The following ANKRD33B variants were observed in gnomAD, a reference collection of about 807,000 sequenced individuals.
ANKRD33B encodes ankyrin repeat domain 33B, also known as ankyrin repeat domain-containing protein 33B.
Under a neutral mutation model 21.5 loss-of-function variants are expected in ANKRD33B, and 6 were observed. The observed-to-expected ratio is 0.28, with a 90% CI of 0.15 to 0.55. The LOEUF is 0.55. Among genes scored for constraint, ANKRD33B ranks in the 20% least tolerant of loss-of-function variants. The probability of loss-of-function intolerance (pLI) is 0.94; values close to 1 mark genes in which losing one functional copy is unlikely to be tolerated. For synonymous variants in ANKRD33B, 347 were observed against 342.4 expected, an observed-to-expected ratio of 1.01 and a Z score of -0.15; for missense variants, 698 against 747.2, an observed-to-expected ratio of 0.93 and a Z score of 0.77.
rs1233646782 is a variant in ANKRD33B, at chr5:10,656,773, C to T, written c.*6660C>T. On this transcript the variant is annotated 3_prime_UTR_variant, in exon 4 of 4. Coordinates refer to ENST00000296657, the MANE Select transcript of ANKRD33B (RefSeq NM_001164440.2). ...CCAGGCCCAAGAGGATTCTTTACCC[C>T]TGGAAGAGCTCCCCAGGCATTCAGC... 1 of 152,410 alleles carries T rather than the reference C, an allele frequency of 6.6e-6. No homozygotes were observed. The highest frequency in any genetic ancestry group is 6.5e-5 in the Admixed American group (1 of 15,282). 9.4% of individuals were successfully genotyped at this position (152,410 alleles called of 1,614,324 possible).
In ANKRD33B at chr5:10,653,645, T is replaced by C. The variant is rs926598230; in HGVS notation, c.*3532T>C. The C allele has an allele frequency of 9.2e-5, 14 of 152,546 alleles. No homozygotes were observed. Among genetic ancestry groups the C allele is most frequent in the African/African-American group, 3.1e-4 (13 of 41,554 alleles). The allele number at this position is 152,546 out of a possible 1,614,324, so 9.4% of individuals were successfully genotyped here. A position where few individuals can be genotyped will look rare whatever the true frequency, so the allele number is the denominator to read the frequency against. ...CCTGAGCCATTTGGAAGCCCTTTCC[T>C]CTAGCCCTAGGTACTGGTGACACAG... On this transcript the variant is annotated 3_prime_UTR_variant, in exon 4 of 4. Coordinates refer to ENST00000296657, the MANE Select transcript of ANKRD33B (RefSeq NM_001164440.2).
chr5:10,572,588 A>T (rs796757563), intron 1 of ANKRD33B, among the ~76,000 whole-genome samples: 60 of 152,268 alleles, frequency 3.9e-4, no homozygotes, highest in African/African-American at 1.3e-3. Flanking sequence ...GAAACTTACC[A>T]TCCCCACAAC....
chr5:10,619,696 T>G lies in ANKRD33B; in HGVS notation c.496+1234T>G, dbSNP rs188688284. Among the ~76,000 whole-genome samples, 63 of 152,310 alleles carry G rather than the reference T, an allele frequency of 4.1e-4. No individual in the cohort carries two copies. The highest frequency in any genetic ancestry group is 6.6e-4 in the Non-Finnish European group (45 of 68,030). On this transcript the variant is annotated intron_variant, in intron 2 of 3. Coordinates refer to ENST00000296657, the MANE Select transcript of ANKRD33B (RefSeq NM_001164440.2). The surrounding 1 kb of genome is among the most constrained non-coding windows in gnomAD (Gnocchi z 4.5). ...TCACTTCCATGGAGGGTTCCAGGCT[T>G]TGAAAACCTAGCAAGAGTGTGAAAG...
chr5:10,564,657 G>C lies in ANKRD33B; in HGVS notation c.190G>C (p.Glu64Gln), dbSNP rs1273354654. The change falls in exon 1 of 4, where the codon GAG becomes CAG. Residue 64 changes from glutamate to glutamine, a missense_variant. By Grantham distance (29) the Glu-to-Gln change is conservative. Coordinates refer to ENST00000296657, the MANE Select transcript of ANKRD33B (RefSeq NM_001164440.2). Reference protein sequence around the residue: ...SDDSFYPFEDEEEHGVESAES... With the variant: ...SDDSFYPFEDQEEHGVESAES... ...CGACTCTTTCTACCCTTTCGAGGACGAGGAGGAGCACGGCGTCGAGAGCGC... is the reference window on the plus strand; with the variant it reads ...CGACTCTTTCTACCCTTTCGAGGACCAGGAGGAGCACGGCGTCGAGAGCGC... 1 of 1,535,018 alleles carries C rather than the reference G, an allele frequency of 6.5e-7. No homozygotes were observed. Among genetic ancestry groups the C allele is most frequent in the Non-Finnish European group, 8.7e-7 (1 of 1,146,584 alleles).
chr5:10,579,857 A>C (rs1170874001), intron 1 of ANKRD33B, among the ~76,000 whole-genome samples: 2 of 152,228 alleles, frequency 1.3e-5, no homozygotes, highest in Non-Finnish European at 2.9e-5. Context: ...CATACAATTT[A>C]ACCGTTTAAT....
rs1277759973 is a variant in ANKRD33B at position 10,582,256 on chromosome 5, G to A, written c.366+17423G>A. Among the ~76,000 whole-genome samples, 8 of 152,294 alleles carry A rather than the reference G, an allele frequency of 5.3e-5. No homozygotes were observed. In the East Asian group the frequency reaches 1.5e-3, roughly 29 times the overall value. ...AAATTCTTAATGGTTTTGAACCAGGGCCTGCATTTTCATTTTGTACTGGGG... is the reference window on the plus strand; with the variant it reads ...AAATTCTTAATGGTTTTGAACCAGGACCTGCATTTTCATTTTGTACTGGGG... On this transcript the variant is annotated intron_variant, in intron 1 of 3. Coordinates refer to ENST00000296657, the MANE Select transcript of ANKRD33B (RefSeq NM_001164440.2).
intron 1 of ANKRD33B, among the ~76,000 whole-genome samples, chr5:10,584,669 A>AT (rs1735515181): frequency 6.6e-6 from 1 of 152,178 alleles, no homozygotes; most frequent in Non-Finnish European, 1.5e-5. Context: ...TATTTATTGG[A>AT]CAGGGGTACC....
intron 2 of ANKRD33B, among the ~76,000 whole-genome samples, chr5:10,631,428 C>G (rs1736707209): frequency 6.6e-6 from 1 of 152,144 alleles, no homozygotes; most frequent in Admixed American, 6.5e-5. Context: ...GAGGAGAATC[C>G]CCTGCGTTTT....
At chr5:10,638,206 G>A in intron 3 of ANKRD33B, 38 bp downstream of exon 3, 2 of 1,529,694 alleles carry the variant, frequency 1.3e-6, no homozygotes, top group Non-Finnish European at 1.8e-6. Flanking sequence ...CAGGGGCCCT[G>A]GGACACCAGA....
At chr5:10,580,293 G>A (rs1014599867) in intron 1 of ANKRD33B, among the ~76,000 whole-genome samples, 2 of 152,314 alleles carry the variant, frequency 1.3e-5, no homozygotes, top group African/African-American at 2.4e-5. Context: ...TGAGCGTTGG[G>A]CCACACTGTC....
At chr5:10,604,189 G>GGAGAAC (rs1158333747) in intron 1 of ANKRD33B, among the ~76,000 whole-genome samples, 1 of 98,206 alleles carries the variant, frequency 1.0e-5, no homozygotes. Context: ...ACCGCGCCTG[G>GGAGAAC]CTTTTTTTTT....
At chr5:10,595,095 G>T (rs897749703) in intron 1 of ANKRD33B, among the ~76,000 whole-genome samples, 6 of 152,162 alleles carry the variant, frequency 3.9e-5, no homozygotes, top group African/African-American at 9.7e-5. Context: ...TAGCGAGTGT[G>T]CCCTGTGACT....
intron 1 of ANKRD33B, among the ~76,000 whole-genome samples, chr5:10,581,718 C>T (rs2589663): frequency 0.85 from 129,148 of 152,156 alleles, 55,185 homozygotes; most frequent in Middle Eastern, 0.95. Flanking sequence ...AGGAGATTAC[C>T]CTCTATAATT....
At chr5:10,636,773 G>A (rs978283533) in intron 2 of ANKRD33B, among the ~76,000 whole-genome samples, 3 of 152,226 alleles carry the variant, frequency 2.0e-5, no homozygotes, top group Non-Finnish European at 2.9e-5. Flanking sequence ...GCAGCAGAGG[G>A]AGAGAGGAAG....
intron 2 of ANKRD33B, among the ~76,000 whole-genome samples, chr5:10,633,528 C>T (rs887103636): frequency 3.3e-5 from 5 of 152,232 alleles, no homozygotes; most frequent in Non-Finnish European, 5.9e-5. Flanking sequence ...ATCTGACGTC[C>T]GTGACGCGCT....
At chr5:10,645,031 C>G (rs150924850) in intron 3 of ANKRD33B, among the ~76,000 whole-genome samples, 1 of 152,268 alleles carries the variant, frequency 6.6e-6, no homozygotes, top group South Asian at 2.1e-4. Context: ...TATTTCCCAA[C>G]TCCAGTGCCT....
At chr5:10,611,476 G>A (rs889161905) in intron 1 of ANKRD33B, among the ~76,000 whole-genome samples, 3 of 152,172 alleles carry the variant, frequency 2.0e-5, no homozygotes, top group African/African-American at 7.2e-5. Flanking sequence ...CTGTGGTTAA[G>A]AGTTTGGTGC....
chr5:10,646,000 A>G (rs1737179942), intron 3 of ANKRD33B, among the ~76,000 whole-genome samples: 1 of 152,206 alleles, frequency 6.6e-6, no homozygotes, highest in African/African-American at 2.4e-5. Context: ...AATGTTCTCC[A>G]ATGCACAGGA....
chr5:10,657,730 A>G lies in ANKRD33B; in HGVS notation c.*7617A>G, dbSNP rs1737527142. On this transcript the variant is annotated 3_prime_UTR_variant, in exon 4 of 4. Coordinates refer to ENST00000296657, the MANE Select transcript of ANKRD33B (RefSeq NM_001164440.2). ...TTAACTTCTAACAAATTATGTATCTAATGTTTAAAAAATATGGAAAAAAGG... is the reference window on the plus strand; with the variant it reads ...TTAACTTCTAACAAATTATGTATCTGATGTTTAAAAAATATGGAAAAAAGG... 1 of 152,386 alleles carries G rather than the reference A, an allele frequency of 6.6e-6. No individual in the cohort carries two copies. Among genetic ancestry groups the G allele is most frequent in the African/African-American group, 2.4e-5 (1 of 41,464 alleles). The allele number at this position is 152,386 out of a possible 1,614,324, so 9.4% of individuals were successfully genotyped here.
Sources: gnomAD v4.1 joint callset for allele counts (sites outside exome capture counted in the v4.1 genomes callset) on GRCh38, gnomAD v4.1.1 for gene constraint, Gnocchi (gnomAD v3.1) non-coding constraint, MANE v1.5 for transcripts, NCBI Gene and HGNC (gene_info 2026-07-23, HGNC 2026-07-21) for gene names.